SCN11A: variants seen among roughly 807,000 people sequenced by gnomAD.
SCN11A encodes the protein sodium voltage-gated channel alpha subunit 11.
A neutral mutation model predicts 162.2 loss-of-function variants in SCN11A; 122 were observed. That is an observed-to-expected ratio of 0.75 (90% CI 0.65 to 0.87). The LOEUF (loss-of-function observed/expected upper bound fraction) is 0.87. Ranked by LOEUF, SCN11A falls within the 40% of genes least tolerant of loss-of-function variation. The pLI is 0.00. For synonymous variants in SCN11A, 758 were observed against 751.5 expected, an observed-to-expected ratio of 1.01 and a Z score of -0.14; for missense variants, 2,015 against 2,181.6, an observed-to-expected ratio of 0.92 and a Z score of 1.52.
intron 2 of SCN11A, among the ~76,000 whole-genome samples, chr3:38,988,602 G>C (rs1052002548): frequency 6.6e-6 from 1 of 152,136 alleles, no homozygotes; most frequent in Non-Finnish European, 1.5e-5. Context: ...CCAGGATTCT[G>C]CCCAACAAAA....
chr3:38,989,585 A>T (rs771927423), intron 2 of SCN11A, among the ~76,000 whole-genome samples: 2 of 152,226 alleles, frequency 1.3e-5, no homozygotes, highest in Non-Finnish European at 2.9e-5. Flanking sequence ...GCTTAGAAAG[A>T]GCAGGGATTC....
intron 26 of SCN11A, among the ~76,000 whole-genome samples, chr3:38,869,300 AG>A (rs2065088699): frequency 6.6e-6 from 1 of 152,194 alleles, no homozygotes; most frequent in African/African-American, 2.4e-5. Flanking sequence ...TGGATGTCAA[AG>A]CCAAACTAGA....
chr3:38,904,710 T>G (rs921724426), intron 15 of SCN11A, among the ~76,000 whole-genome samples: 1 of 152,038 alleles, frequency 6.6e-6, no homozygotes, highest in African/African-American at 2.4e-5. Flanking sequence ...ACCCCTGGGG[T>G]GGGGTCCTGT....
chr3:38,884,172 C>G (rs146315279), intron 21 of SCN11A, among the ~76,000 whole-genome samples: 1 of 152,192 alleles, frequency 6.6e-6, no homozygotes, highest in Non-Finnish European at 1.5e-5. Flanking sequence ...TGCCTCTTTT[C>G]TTCTTCCAAA....
chr3:39,046,186 G>A (rs2032176666), intron 1 of SCN11A, among the ~76,000 whole-genome samples: 1 of 152,038 alleles, frequency 6.6e-6, no homozygotes, highest in Non-Finnish European at 1.5e-5. Context: ...CTTGAATCTG[G>A]GAGGTGGAGG....
intron 2 of SCN11A, among the ~76,000 whole-genome samples, chr3:38,966,552 G>T (rs2066783784): frequency 6.6e-6 from 1 of 152,076 alleles, no homozygotes; most frequent in Non-Finnish European, 1.5e-5. Context: ...ACCAAGTCAG[G>T]GTATCTGGGC....
At chr3:38,973,532 C>G (rs750173635) in intron 2 of SCN11A, among the ~76,000 whole-genome samples, 5 of 152,146 alleles carry the variant, frequency 3.3e-5, no homozygotes, top group Non-Finnish European at 7.3e-5. Context: ...CCTAGAATGA[C>G]AGTTCTATCA....
At chr3:39,027,370 G>A (rs2031614835) in intron 2 of SCN11A, among the ~76,000 whole-genome samples, 1 of 152,120 alleles carries the variant, frequency 6.6e-6, no homozygotes, top group Non-Finnish European at 1.5e-5. Flanking sequence ...TGGGTTTTGG[G>A]GGTCATTCAC....
At chr3:38,907,862 T>C (rs2065823696) in intron 14 of SCN11A, 87 bp downstream of exon 14, 1 of 1,155,080 alleles carries the variant, frequency 8.7e-7, no homozygotes, top group African/African-American at 1.6e-5. Context: ...AGTAACTGAA[T>C]AAATGAATTA....
intron 27 of SCN11A, among the ~76,000 whole-genome samples, chr3:38,865,310 A>G (rs2065024176): frequency 6.6e-6 from 1 of 152,216 alleles, no homozygotes; most frequent in South Asian, 2.1e-4. Context: ...GCTTAAATCT[A>G]AAATCACAAA....
rs2065864083 is a variant in SCN11A, at chr3:38,910,066, C to G, written c.1101G>C (p.Gln367His). 1.9e-6 allele frequency: 3 copies of G among 1,613,288 alleles called. No individual in the cohort carries two copies. Among genetic ancestry groups the G allele is most frequent in the East Asian group, 2.2e-5 (1 of 44,840 alleles). ...AAAAGAGAGACTATAAATAGATAAC[C>G]TGTTGATAAAGCTTCTCCCAGGAAT... ...TQDSWEKLYQ[Q>H]TLRTTGLYSV... is the part of the protein sequence containing the mutation. Residue 367 changes from glutamine to histidine, a missense_variant and splice_region_variant, in exon 12 of 30, where the codon CAG becomes CAC. Physicochemically the swap from Gln to His is conservative, Grantham distance 24. Coordinates refer to ENST00000302328, the MANE Select transcript of SCN11A (RefSeq NM_001349253.2).
chr3:38,954,124 A>G (rs2125580461), intron 3 of SCN11A, among the ~76,000 whole-genome samples: 1 of 152,352 alleles, frequency 6.6e-6, no homozygotes, highest in East Asian at 1.9e-4. Context: ...GTAGGACTGT[A>G]GATTCATCAC....
At chr3:38,885,439 C>G (rs112874144) in intron 20 of SCN11A, 37 bp from the exon 21 acceptor site, 51,064 of 1,112,800 alleles carry the variant, frequency 0.046, 1,377 homozygotes, top group Non-Finnish European at 0.055. Flanking sequence ...GTGCCTTTTA[C>G]TAAGACCTTC....
At chr3:38,858,248 C>G (rs1408639244) in intron 28 of SCN11A, among the ~76,000 whole-genome samples, 1 of 151,988 alleles carries the variant, frequency 6.6e-6, no homozygotes, top group African/African-American at 2.4e-5. Context: ...TGGATACAAA[C>G]CAAGCATCTA....
chr3:38,925,518 C>T lies in SCN11A; in HGVS notation c.618-9G>A, dbSNP rs1325967788. The T allele has an allele frequency of 1.3e-6, 2 of 1,596,248 alleles. No individual in the cohort carries two copies. Among genetic ancestry groups the T allele is most frequent in the Non-Finnish European group, 1.7e-6 (2 of 1,163,842 alleles). ...GAATATATGACACAATCCTACAAGA[C>T]AAAGCACAGGGAAGGCATGGGCTTG... is the stretch of plus-strand genomic sequence containing the variant. On this transcript the variant is annotated splice_polypyrimidine_tract_variant and intron_variant, in intron 8 of 29. Coordinates refer to ENST00000302328, the MANE Select transcript of SCN11A (RefSeq NM_001349253.2).
At position 38,900,090 on chromosome 3, in the gene SCN11A, A is replaced by C. The variant is rs1334799551; in HGVS notation, c.1843-17T>G. 1.2e-6 allele frequency: 2 copies of C among 1,608,758 alleles called. No individual in the cohort carries two copies. The highest frequency in any genetic ancestry group is 1.7e-6 in the Non-Finnish European group (2 of 1,175,572). On this transcript the variant is annotated splice_polypyrimidine_tract_variant and intron_variant, in intron 16 of 29. Coordinates refer to ENST00000302328, the MANE Select transcript of SCN11A (RefSeq NM_001349253.2). ...AGTGAAAACCTAGAGTGGGACAAAG[A>C]AGAATGAGAGAAGGAAGCTGCGGAG...
intron 2 of SCN11A, among the ~76,000 whole-genome samples, chr3:38,977,174 C>T (rs1347452406): frequency 6.6e-6 from 1 of 152,150 alleles, no homozygotes; most frequent in Non-Finnish European, 1.5e-5. Context: ...TGTGATCACT[C>T]AAAAAGGAGA....
intron 1 of SCN11A, among the ~76,000 whole-genome samples, chr3:39,035,683 A>G (rs2031886220): frequency 1.3e-5 from 2 of 151,968 alleles, no homozygotes; most frequent in South Asian, 4.2e-4. Flanking sequence ...TCTGTTGCCC[A>G]GGCTGGCGTG....
intron 7 of SCN11A, among the ~76,000 whole-genome samples, chr3:38,939,737 C>G (rs2066411556): frequency 6.6e-6 from 1 of 151,998 alleles, no homozygotes; most frequent in Non-Finnish European, 1.5e-5. Flanking sequence ...AACCCCATCT[C>G]TACTAAAAAT....
Sources: gnomAD v4.1 joint callset for allele counts (sites outside exome capture counted in the v4.1 genomes callset) on GRCh38, gnomAD v4.1.1 for gene constraint, MANE v1.5 for transcripts, NCBI Gene and HGNC (gene_info 2026-07-23, HGNC 2026-07-21) for gene names.